The following EXOC2 variants were observed in gnomAD, a reference collection of about 807,000 sequenced individuals.
The protein encoded by EXOC2 is SEC5-like 1.
EXOC2 carries 70 observed loss-of-function variants against 131.8 expected under a neutral mutation model. The ratio of observed to expected loss-of-function variants is 0.53; its 90% CI spans 0.44 to 0.65. The LOEUF (loss-of-function observed/expected upper bound fraction) is 0.65. Ranked by LOEUF, EXOC2 falls within the 30% of genes least tolerant of loss-of-function variation. The pLI is 0.00. For synonymous variants in EXOC2, 411 were observed against 398.4 expected (o/e 1.03, Z -0.38); for missense variants, 923 against 1,108.6 (o/e 0.83, Z 2.38).
intron 11 of EXOC2, among the ~76,000 whole-genome samples, chr6:586,949 T>TC (rs1349244888): frequency 6.6e-6 from 1 of 152,212 alleles, no homozygotes; most frequent in Non-Finnish European, 1.5e-5. Context: ...CTAGACAGTT[T>TC]CCCAGATTTC....
intron 23 of EXOC2, among the ~76,000 whole-genome samples, chr6:507,064 C>CCACA (rs377215025): frequency 7.3e-6 from 1 of 137,600 alleles, no homozygotes; most frequent in Non-Finnish European, 1.6e-5. Flanking sequence ...AGCAGTGATC[C>CCACA]CACACACACA....
At chr6:587,434 C>T (rs531767536) in intron 11 of EXOC2, among the ~76,000 whole-genome samples, 6 of 152,006 alleles carry the variant, frequency 3.9e-5, no homozygotes, top group Admixed American at 6.6e-5. Context: ...TTAGTAGAGA[C>T]GGGGTTTCAC....
chr6:512,224 T>A (rs1391012183), intron 23 of EXOC2, among the ~76,000 whole-genome samples: 2 of 152,226 alleles, frequency 1.3e-5, no homozygotes, highest in African/African-American at 4.8e-5. Flanking sequence ...CAATTCCAGT[T>A]GGTCCACGAA....
chr6:631,505 T>C (rs866931407), intron 3 of EXOC2, among the ~76,000 whole-genome samples: 18 of 151,620 alleles, frequency 1.2e-4, no homozygotes, highest in Admixed American at 2.6e-4. Context: ...GATCGCGCCA[T>C]TGCACTCCAG....
At chr6:573,298 T>C (rs1370663833) in intron 12 of EXOC2, among the ~76,000 whole-genome samples, 1 of 152,230 alleles carries the variant, frequency 6.6e-6, no homozygotes, top group African/African-American at 2.4e-5. Flanking sequence ...AACAGGTTCA[T>C]GGGAATAAAG....
chr6:545,347 C>T (rs1036432545), intron 22 of EXOC2, among the ~76,000 whole-genome samples: 14 of 152,012 alleles, frequency 9.2e-5, no homozygotes, highest in African/African-American at 3.4e-4. Flanking sequence ...GTAATTATAC[C>T]TACCACAATA....
chr6:558,713 T>C (rs1220470529), intron 17 of EXOC2, among the ~76,000 whole-genome samples: 5 of 152,032 alleles, frequency 3.3e-5, no homozygotes, highest in Admixed American at 2.0e-4. Flanking sequence ...CTCAGGAGGC[T>C]GAGGCAGGAG....
At chr6:616,279 C>A (rs1760994059) in intron 6 of EXOC2, among the ~76,000 whole-genome samples, 1 of 152,136 alleles carries the variant, frequency 6.6e-6, no homozygotes, top group Non-Finnish European at 1.5e-5. Flanking sequence ...TTCTCTGTTC[C>A]CTCTTAGACA....
chr6:554,922 A>G (rs189080106), intron 20 of EXOC2, among the ~76,000 whole-genome samples: 1 of 152,348 alleles, frequency 6.6e-6, no homozygotes, highest in Non-Finnish European at 1.5e-5. Context: ...AATTGTAAAA[A>G]TCATCAACTA....
chr6:547,659 A>G (rs1322222534), intron 22 of EXOC2, among the ~76,000 whole-genome samples: 2 of 152,226 alleles, frequency 1.3e-5, no homozygotes, highest in African/African-American at 2.4e-5. Context: ...ATCAGTGCAA[A>G]TGTTATCATC....
At chr6:657,082 G>A (rs1763163143) in intron 1 of EXOC2, 1 of 665,734 alleles carries the variant, frequency 1.5e-6, no homozygotes, top group South Asian at 2.8e-5. Context: ...TCGGGTTCCC[G>A]GTTGCGGTTG....
intron 2 of EXOC2, among the ~76,000 whole-genome samples, chr6:634,752 TATA>T (rs1762019251): frequency 6.6e-6 from 1 of 152,222 alleles, no homozygotes; most frequent in Non-Finnish European, 1.5e-5. Flanking sequence ...ATATTTTAAT[TATA>T]ATAACACATT....
At chr6:550,629 G>C (rs761099) in intron 21 of EXOC2, among the ~76,000 whole-genome samples, 2 of 152,080 alleles carry the variant, frequency 1.3e-5, no homozygotes, top group African/African-American at 4.8e-5. Context: ...GTGAATAAAC[G>C]GCCAGAAGGA....
chr6:612,156 G>A (rs1766840), intron 6 of EXOC2, among the ~76,000 whole-genome samples: 145,076 of 152,354 alleles, frequency 0.95, 69,164 homozygotes, highest in East Asian at 1. Context: ...TATTCAAGCC[G>A]GATGACAGAT....
intron 23 of EXOC2, among the ~76,000 whole-genome samples, chr6:508,162 C>G (rs997893964): frequency 6.6e-6 from 1 of 152,156 alleles, no homozygotes; most frequent in Non-Finnish European, 1.5e-5. Context: ...GTTTGAGTTT[C>G]ACAGCAAAAC....
intron 1 of EXOC2, among the ~76,000 whole-genome samples, chr6:677,719 G>A (rs143150973): frequency 5.6e-4 from 85 of 152,072 alleles, no homozygotes; most frequent in African/African-American, 1.8e-3. Context: ...CGCTTGCCTC[G>A]GCCTCCCAAA....
Position 607,571 on chromosome 6 carries a change from T to C in EXOC2, c.742+2527A>G, listed in dbSNP as rs573660736. On this transcript the variant is annotated intron_variant, in intron 7 of 27. Coordinates refer to ENST00000230449, the MANE Select transcript of EXOC2 (RefSeq NM_018303.6). ...AGTAACTACCAGCCACACGGGACTA[T>C]TTCAATTTAAAGCAGAATTAATTAA... Among the ~76,000 whole-genome samples, 5 of 152,338 alleles carry C rather than the reference T, an allele frequency of 3.3e-5. No individual in the cohort carries two copies. In the East Asian group the frequency reaches 9.6e-4, roughly 29 times the overall value.
intron 25 of EXOC2, among the ~76,000 whole-genome samples, chr6:496,555 A>G (rs9405242): frequency 0.51 from 77,266 of 151,736 alleles, 20,410 homozygotes; most frequent in East Asian, 0.69. Context: ...CCTGTTTTTC[A>G]AGCCAGAAAG....
chr6:505,062 G>A (rs143312124), intron 23 of EXOC2, among the ~76,000 whole-genome samples: 1 of 152,262 alleles, frequency 6.6e-6, no homozygotes, highest in African/African-American at 2.4e-5. Flanking sequence ...TGCAGATCCT[G>A]GCTGTACATT....
Sources: gnomAD v4.1 joint callset for allele counts (sites outside exome capture counted in the v4.1 genomes callset) on GRCh38, gnomAD v4.1.1 for gene constraint, MANE v1.5 for transcripts, NCBI Gene and HGNC (gene_info 2026-07-23, HGNC 2026-07-21) for gene names.